Variants in AOPEP observed in about 807,000 individuals in gnomAD.
AOPEP encodes the protein aminopeptidase O (putative).
Under a neutral mutation model 98.1 loss-of-function variants are expected in AOPEP, and 77 were observed. That is an observed-to-expected ratio of 0.78 (90% CI 0.65 to 0.95). The LOEUF (loss-of-function observed/expected upper bound fraction) is 0.95, where lower values mean the gene tolerates loss of function less well. Ranked by LOEUF, AOPEP falls within the 40% of genes least tolerant of loss-of-function variation. AOPEP has a pLI of 0.00. For missense variants in AOPEP, 1,024 were observed against 1,024.7 expected, an observed-to-expected ratio of 1.00 and a Z score of 0.01; for synonymous variants, 346 against 365.3, an observed-to-expected ratio of 0.95 and a Z score of 0.60.
chr9:94,820,029 T>C (rs527248519), intron 5 of AOPEP, among the ~76,000 whole-genome samples: 3 of 141,802 alleles, frequency 2.1e-5, no homozygotes, highest in African/African-American at 7.8e-5. Context: ...CACTGCAACC[T>C]CTGTCTCCCG....
chr9:94,943,086 G>A (rs576356762), intron 7 of AOPEP, among the ~76,000 whole-genome samples: 1 of 152,160 alleles, frequency 6.6e-6, no homozygotes, highest in South Asian at 2.1e-4. Flanking sequence ...GACACTGAAA[G>A]CATAAGCAAC....
intron 13 of AOPEP, among the ~76,000 whole-genome samples, chr9:95,041,175 A>T (rs2065257335): frequency 6.6e-6 from 1 of 152,150 alleles, no homozygotes; most frequent in Admixed American, 6.5e-5. Flanking sequence ...CTCAAACCAA[A>T]AGGCTCTGTG....
intron 5 of AOPEP, among the ~76,000 whole-genome samples, chr9:94,823,076 A>C (rs1853635427): frequency 6.6e-6 from 1 of 151,600 alleles, no homozygotes; most frequent in Non-Finnish European, 1.5e-5. Flanking sequence ...GGCTCATCGC[A>C]ACTTCCGCCT....
At chr9:95,030,709 G>A (rs2064221548) in intron 13 of AOPEP, among the ~76,000 whole-genome samples, 1 of 152,136 alleles carries the variant, frequency 6.6e-6, no homozygotes, top group African/African-American at 2.4e-5. Flanking sequence ...AATCAAACAG[G>A]CATCCATTTC....
At chr9:95,111,585 A>T in the AOPEP span, 2 of 1,614,170 alleles carry the variant, frequency 1.2e-6, no homozygotes, top group Non-Finnish European at 1.7e-6. Flanking sequence ...ATCTCAGCCC[A>T]TCCTCCGAAG....
At chr9:95,044,733 A>C (rs1468501699) in intron 13 of AOPEP, among the ~76,000 whole-genome samples, 1 of 152,138 alleles carries the variant, frequency 6.6e-6, no homozygotes, top group African/African-American at 2.4e-5. Context: ...CATACATGTC[A>C]CTGTTTCAGT....
intron 1 of AOPEP, among the ~76,000 whole-genome samples, chr9:94,738,505 AG>A (rs1488171141): frequency 2.6e-5 from 4 of 152,212 alleles, no homozygotes; most frequent in African/African-American, 9.7e-5. Flanking sequence ...AGAACATCAG[AG>A]CACTGTGAAC....
At chr9:94,977,580 A>G (rs2059927420) in intron 10 of AOPEP, among the ~76,000 whole-genome samples, 1 of 152,132 alleles carries the variant, frequency 6.6e-6, no homozygotes, top group Non-Finnish European at 1.5e-5. Flanking sequence ...CCTCTCTTCA[A>G]GTCTCCCCTG....
intron 5 of AOPEP, among the ~76,000 whole-genome samples, chr9:94,830,339 A>G (rs984095645): frequency 2.6e-5 from 4 of 152,212 alleles, no homozygotes; most frequent in African/African-American, 9.7e-5. Flanking sequence ...AATGGCTTCC[A>G]GCTCCATCCA....
chr9:95,005,432 G>T (rs2061931361), intron 12 of AOPEP, 110 bp from the exon 13 acceptor site: 4 of 1,164,066 alleles, frequency 3.4e-6, no homozygotes, highest in Non-Finnish European at 5.1e-6. Flanking sequence ...GCCTCCCGAG[G>T]TGCGGGGAAG....
intron 7 of AOPEP, among the ~76,000 whole-genome samples, chr9:94,941,506 T>G (rs79418458): frequency 6.6e-6 from 1 of 152,338 alleles, no homozygotes; most frequent in East Asian, 1.9e-4. Context: ...CTGAAAAACT[T>G]TAGAGCTCTC....
chr9:95,125,275 CT>C, the AOPEP span: 4 of 1,022,880 alleles, frequency 3.9e-6, no homozygotes, highest in Non-Finnish European at 4.6e-6. Flanking sequence ...AGTAGAAACA[CT>C]TTTTTTGTGC....
chr9:94,804,405 A>G (rs1472225862), intron 5 of AOPEP, among the ~76,000 whole-genome samples: 1 of 152,128 alleles, frequency 6.6e-6, no homozygotes, highest in African/African-American at 2.4e-5. Context: ...AATCTCTTGC[A>G]ACTTATTTCA....
intron 14 of AOPEP, among the ~76,000 whole-genome samples, chr9:95,077,675 T>G (rs1444353283): frequency 6.6e-6 from 1 of 152,098 alleles, no homozygotes; most frequent in Non-Finnish European, 1.5e-5. Context: ...GCGGAGGAAC[T>G]TGATGCAGGA....
chr9:95,119,601 T>TG, the AOPEP span, among the ~76,000 whole-genome samples: 1 of 152,198 alleles, frequency 6.6e-6, no homozygotes, highest in Non-Finnish European at 1.5e-5. Flanking sequence ...CTTGAACTCG[T>TG]GATCCACCCA....
At chr9:94,797,005 CTGAT>C (rs1564151680) in intron 4 of AOPEP, among the ~76,000 whole-genome samples, 1 of 152,128 alleles carries the variant, frequency 6.6e-6, no homozygotes, top group Non-Finnish European at 1.5e-5. Context: ...CACATTGAGA[CTGAT>C]TATTTGAAAG....
At chr9:94,805,983 C>T (rs1023262444) in intron 5 of AOPEP, among the ~76,000 whole-genome samples, 4 of 152,198 alleles carry the variant, frequency 2.6e-5, no homozygotes, top group African/African-American at 9.6e-5. Flanking sequence ...CAAGGTTTCA[C>T]AGCTTTGAGA....
rs1029308444 is a variant in AOPEP, at chr9:94,773,141, T to A, written c.937T>A (p.Ser313Thr). Reference sequence around the variant, plus strand: ...TGTTGTTTTAATGAGTGGGGAAAATTCTGCCAAACCAACGCAGCTTTGGGA... The same window carrying A: ...TGTTGTTTTAATGAGTGGGGAAAATACTGCCAAACCAACGCAGCTTTGGGA... ...SFVVLMSGEN[S>T]AKPTQLWEEC... is the part of the protein sequence containing the mutation. Residue 313 changes from serine to threonine, a missense_variant, in exon 3 of 17, where the codon TCT becomes ACT. Coordinates refer to ENST00000375315, the MANE Select transcript of AOPEP (RefSeq NM_001193329.3). 3 of 1,614,122 alleles carry A rather than the reference T, an allele frequency of 1.9e-6. No homozygotes were observed. The East Asian group carries it at 6.7e-5, about 36-fold the overall frequency.
chr9:94,972,382 C>A lies in AOPEP; in HGVS notation c.1916+4581C>A, dbSNP rs909634416. ...AAAAGGGCTCAGAAGAAAACCCAGA[C>A]AATCCTGAGCAGCAGTCTCTCCTGG... On this transcript the variant is annotated intron_variant, in intron 10 of 16. Transcript: ENST00000375315. The surrounding 1 kb of genome is among the most constrained non-coding windows in gnomAD (Gnocchi z 4.2). 6.6e-6 allele frequency among the ~76,000 whole-genome samples: 1 copy of A among 152,144 alleles called. No individual in the cohort carries two copies. The highest frequency in any genetic ancestry group is 1.9e-4 in the East Asian group (1 of 5,178).
Sources: allele counts gnomAD v4.1 joint callset (sites outside exome capture counted in the v4.1 genomes callset), GRCh38; gene constraint gnomAD v4.1.1; non-coding constraint Gnocchi (gnomAD v3.1); transcripts MANE v1.5; gene names NCBI Gene and HGNC (gene_info 2026-07-23, HGNC 2026-07-21).